RNF111: variants seen among roughly 807,000 people sequenced by gnomAD.
The protein encoded by RNF111 is E3 ubiquitin-protein ligase Arkadia.
RNF111 carries 17 observed loss-of-function variants against 95.1 expected under a neutral mutation model. The observed-to-expected ratio is 0.18, with a 90% confidence interval of 0.12 to 0.27. The LOEUF is 0.27. Among genes scored for constraint, RNF111 ranks in the 10% least tolerant of loss-of-function variants. The pLI, the probability that RNF111 is intolerant of heterozygous loss-of-function variation, is 1.00. For synonymous variants in RNF111, 440 were observed against 414.8 expected, an observed-to-expected ratio of 1.06 and a Z score of -0.74; for missense variants, 1,189 against 1,210.4, an observed-to-expected ratio of 0.98 and a Z score of 0.26.
chr15:59,046,228 C>G (rs191566962), intron 2 of RNF111, among the ~76,000 whole-genome samples: 1 of 136,736 alleles, frequency 7.3e-6, no homozygotes, highest in African/African-American at 2.7e-5. Flanking sequence ...GGATTTCATT[C>G]TGTTGCCCAG....
intron 6 of RNF111, among the ~76,000 whole-genome samples, chr15:59,070,766 C>T (rs761586086): frequency 1.8e-4 from 27 of 152,148 alleles, no homozygotes; most frequent in Non-Finnish European, 3.8e-4. Context: ...ATTATTCCCC[C>T]TAAACCTAGA....
At chr15:59,014,940 C>A (rs894266464) in intron 1 of RNF111, among the ~76,000 whole-genome samples, 3 of 152,052 alleles carry the variant, frequency 2.0e-5, no homozygotes, top group Admixed American at 1.3e-4. Context: ...TTTTTAGAGA[C>A]AGAGTTTCAC....
intron 2 of RNF111, among the ~76,000 whole-genome samples, chr15:59,038,898 G>C (rs986423129): frequency 4.6e-5 from 7 of 152,056 alleles, no homozygotes; most frequent in Admixed American, 3.9e-4. Flanking sequence ...CCCCTTCACT[G>C]TTTTCTGTAA....
chr15:59,023,105 G>T (rs1431061266), intron 1 of RNF111, among the ~76,000 whole-genome samples: 1 of 152,118 alleles, frequency 6.6e-6, no homozygotes, highest in East Asian at 1.9e-4. Context: ...AAAATTAACT[G>T]GGCATGGTGG....
chr15:59,060,514 T>C (rs1439316308), intron 5 of RNF111, among the ~76,000 whole-genome samples: 1 of 152,140 alleles, frequency 6.6e-6, no homozygotes, highest in Non-Finnish European at 1.5e-5. Context: ...CACACACCTT[T>C]AGTGCCAGCT....
At chr15:59,041,213 T>A (rs1413338190) in intron 2 of RNF111, among the ~76,000 whole-genome samples, 1 of 152,200 alleles carries the variant, frequency 6.6e-6, no homozygotes, top group Non-Finnish European at 1.5e-5. Flanking sequence ...CTCCTATTGA[T>A]GAACAGTTTG....
intron 5 of RNF111, among the ~76,000 whole-genome samples, chr15:59,061,038 C>T (rs2042414930): frequency 6.6e-6 from 1 of 152,110 alleles, no homozygotes; most frequent in African/African-American, 2.4e-5. Flanking sequence ...CTCGAGCGAT[C>T]CACCTGCCTC....
In RNF111 at chr15:58,997,530, A is replaced by G. The variant is rs571494805; in HGVS notation, c.-20+9462A>G. On this transcript the variant is annotated intron_variant, in intron 1 of 13. Transcript: ENST00000348370. ...ACATTTGCAGTTAAAAAAAAAAAAA[A>G]AATCAGGGCTGGGTATGGTGTCTCA... Among the ~76,000 whole-genome samples the G allele has an allele frequency of 2.6e-5, 4 of 152,048 alleles. No individual in the cohort carries two copies. In the East Asian group the frequency reaches 7.8e-4, roughly 30 times the overall value.
At chr15:59,094,682 G>A in intron 13 of RNF111, 101 bp from the exon 14 acceptor site, 1 of 709,024 alleles carries the variant, frequency 1.4e-6, no homozygotes, top group Non-Finnish European at 2.5e-6. Context: ...AAGATGCTTA[G>A]TACCTTCAAA....
chr15:59,031,332 G>C lies in RNF111; in HGVS notation c.510G>C (p.Leu170Phe), dbSNP rs770614096. The C allele has an allele frequency of 6.2e-7, 1 of 1,614,114 alleles. No homozygotes were observed. The highest frequency in any genetic ancestry group is 1.1e-5 in the South Asian group (1 of 91,072). Residue 170 changes from leucine (L) to phenylalanine (F), a missense_variant, in exon 2 of 14, where the codon TTG (leucine) becomes TTC (phenylalanine). Leu to Phe is a conservative substitution (Grantham distance 22). Coordinates refer to ENST00000348370, the MANE Select transcript of RNF111 (RefSeq NM_017610.8). ...EVSVRHSQTILNAKSRSHSAR... is the reference protein window; with the variant it reads ...EVSVRHSQTIFNAKSRSHSAR... ...CTGTAAGACATTCCCAGACCATTTT[G>C]AATGCTAAAAGTAGAAGCCATAGTG...
intron 4 of RNF111, among the ~76,000 whole-genome samples, chr15:59,056,824 A>G (rs541141365): frequency 6.6e-6 from 1 of 152,244 alleles, no homozygotes. Flanking sequence ...TTAATTAAAT[A>G]TAGGGTGACT....
intron 1 of RNF111, among the ~76,000 whole-genome samples, chr15:59,022,508 C>G (rs143074239): frequency 1.3e-5 from 2 of 152,322 alleles, no homozygotes; most frequent in East Asian, 3.9e-4. Context: ...CTTTTTATAG[C>G]ATGAGCAGTA....
rs773203155 is a variant in RNF111, at chr15:59,031,609, A to C, written c.787A>C (p.Ser263Arg). ...TAGTTCCAGTGAGAATGACCTCAGC[A>C]GTGAATCCTCTTCTAGCTCATCAAC... ...SSSSSENDLS[S>R]ESSSSSSTEG... Residue 263 changes from serine to arginine, a missense_variant, in exon 2 of 14, where the codon AGT (serine) becomes CGT (arginine). Physicochemically the swap from Ser to Arg is moderately radical, Grantham distance 110 (BLOSUM62 -1). This residue lies in a region of RNF111 where 1,024 missense variants were observed against 925.9 expected (regional missense o/e 1.11). Coordinates refer to ENST00000348370, the MANE Select transcript of RNF111 (RefSeq NM_017610.8). 1.9e-6 allele frequency: 3 copies of C among 1,614,228 alleles called. No homozygotes were observed. Among genetic ancestry groups the C allele is most frequent in the Non-Finnish European group, 2.5e-6 (3 of 1,180,032 alleles).
chr15:59,016,584 T>C (rs969407809), intron 1 of RNF111, among the ~76,000 whole-genome samples: 3 of 152,226 alleles, frequency 2.0e-5, no homozygotes, highest in Admixed American at 6.5e-5. Context: ...GTCAACATTT[T>C]TCATCTTGCT....
intron 6 of RNF111, among the ~76,000 whole-genome samples, chr15:59,075,079 A>C (rs2043110551): frequency 6.6e-6 from 1 of 152,256 alleles, no homozygotes; most frequent in Non-Finnish European, 1.5e-5. Context: ...TAGTAACATC[A>C]ATGACTACTC....
At chr15:59,025,535 A>C (rs2040557262) in intron 1 of RNF111, among the ~76,000 whole-genome samples, 1 of 152,218 alleles carries the variant, frequency 6.6e-6, no homozygotes, top group African/African-American at 2.4e-5. Flanking sequence ...AATATACTTA[A>C]GCTGGCACAT....
intron 1 of RNF111, among the ~76,000 whole-genome samples, chr15:59,022,204 A>G (rs1045042432): frequency 6.6e-6 from 1 of 152,124 alleles, no homozygotes; most frequent in Non-Finnish European, 1.5e-5. Context: ...AAGACTAATT[A>G]ACCTTGAAAT....
At chr15:58,989,870 CCTT>C (rs760177150) in intron 1 of RNF111, among the ~76,000 whole-genome samples, 3 of 145,722 alleles carry the variant, frequency 2.1e-5, no homozygotes, top group Non-Finnish European at 3.0e-5. Flanking sequence ...TTAGATGTTT[CCTT>C]CTTTTTTTTT....
chr15:59,004,302 G>T, intron 1 of RNF111: 1 of 225,926 alleles, frequency 4.4e-6, no homozygotes, highest in African/African-American at 2.3e-5. Flanking sequence ...GAAGGAACTT[G>T]CTGTTTAGGT....
Sources: gnomAD v4.1 joint callset for allele counts (sites outside exome capture counted in the v4.1 genomes callset) on GRCh38, gnomAD v4.1.1 for gene constraint, gnomAD v4.1.1 regional missense constraint, MANE v1.5 for transcripts, NCBI Gene and HGNC (gene_info 2026-07-23, HGNC 2026-07-21) for gene names.